The following HSPB8 variants were observed in gnomAD, a reference collection of about 807,000 sequenced individuals.
HSPB8 encodes the protein heat shock protein family B (small) member 8, also known as heat shock protein beta-8.
Under a neutral mutation model 16.5 loss-of-function variants are expected in HSPB8, and 9 were observed. The ratio of observed to expected loss-of-function variants is 0.55; its 90% CI spans 0.33 to 0.95. The LOEUF (loss-of-function observed/expected upper bound fraction) is 0.95, where lower values mean the gene tolerates loss of function less well. Among genes scored for constraint, HSPB8 ranks in the 40% least tolerant of loss-of-function variants. The pLI, the probability that HSPB8 is intolerant of heterozygous loss-of-function variation, is 0.03. For missense variants in HSPB8, 238 were observed against 251.2 expected (o/e 0.95, Z 0.35); for synonymous variants, 99 against 94.8 (o/e 1.04, Z -0.26).
At chr12:119,189,006 C>T (rs1365988802) in intron 2 of HSPB8, among the ~76,000 whole-genome samples, 2 of 152,202 alleles carry the variant, frequency 1.3e-5, no homozygotes, top group African/African-American at 2.4e-5. Context: ...CCCACATGTC[C>T]GTCCCTGGCC....
At chr12:119,181,099 T>C (rs770451181) in intron 1 of HSPB8, among the ~76,000 whole-genome samples, 11 of 152,196 alleles carry the variant, frequency 7.2e-5, no homozygotes, top group Non-Finnish European at 1.6e-4. Context: ...ATAAGGATTG[T>C]TGTTTTAAGT....
chr12:119,187,226 C>T, intron 2 of HSPB8, 138 bp downstream of exon 2: 1 of 720,384 alleles, frequency 1.4e-6, no homozygotes. Flanking sequence ...AACCCTCACA[C>T]CTAACGAGGA....
At position 119,179,686 on chromosome 12, in the gene HSPB8, C is replaced by A; in HGVS notation, c.367+7C>A. ...GGATACGTGGAGGTGTCTGGTAAGT[C>A]AGGGGCAGGAGGGAGAGAGAATGGG... On this transcript the variant is annotated splice_region_variant and intron_variant, in intron 1 of 2. Coordinates refer to ENST00000281938, the MANE Select transcript of HSPB8 (RefSeq NM_014365.3). 6.4e-7 allele frequency: 1 copy of A among 1,570,628 alleles called. No individual in the cohort carries two copies. The highest frequency in any genetic ancestry group is 1.2e-5 in the South Asian group (1 of 82,022).
intron 2 of HSPB8, among the ~76,000 whole-genome samples, chr12:119,192,050 TA>T (rs962006771): frequency 6.6e-6 from 1 of 151,936 alleles, no homozygotes; most frequent in Non-Finnish European, 1.5e-5. Flanking sequence ...ATTTCATGGT[TA>T]AAAAAAATAA....
chr12:119,192,748 A>C (rs1037841161), intron 2 of HSPB8, among the ~76,000 whole-genome samples: 3 of 152,188 alleles, frequency 2.0e-5, no homozygotes, highest in Non-Finnish European at 4.4e-5. Flanking sequence ...ACCTGAGACT[A>C]CATAATTGAT....
chr12:119,189,337 G>A (rs950519107), intron 2 of HSPB8, among the ~76,000 whole-genome samples: 11 of 150,148 alleles, frequency 7.3e-5, no homozygotes, highest in Non-Finnish European at 1.5e-4. Flanking sequence ...GTGTGTGTGT[G>A]TGTGTATTTC....
At chr12:119,180,535 G>A (rs984293504) in intron 1 of HSPB8, among the ~76,000 whole-genome samples, 6 of 152,112 alleles carry the variant, frequency 3.9e-5, no homozygotes, top group South Asian at 2.1e-4. Flanking sequence ...GGTGGGACTC[G>A]TTCACAGTCA....
intron 2 of HSPB8, among the ~76,000 whole-genome samples, chr12:119,193,181 A>G (rs1954723065): frequency 6.6e-6 from 1 of 152,212 alleles, no homozygotes; most frequent in African/African-American, 2.4e-5. Context: ...CAAGGTACCT[A>G]GTGCTTGCAT....
At chr12:119,183,077 G>C (rs1436690513) in intron 1 of HSPB8, 1 of 152,172 alleles carries the variant, frequency 6.6e-6, no homozygotes, top group Non-Finnish European at 1.5e-5. Flanking sequence ...GCTGTTACTA[G>C]GCATCTAGAA....
At chr12:119,188,267 G>A (rs543025458) in intron 2 of HSPB8, among the ~76,000 whole-genome samples, 14 of 128,546 alleles carry the variant, frequency 1.1e-4, no homozygotes, top group Admixed American at 1.1e-3. Context: ...TTTTTTTTGA[G>A]ATGGAGTCTC....
In HSPB8 at chr12:119,194,185, T is replaced by C. The variant is rs986700616; in HGVS notation, c.*327T>C. 2.5e-5 allele frequency: 9 copies of C among 366,320 alleles called. No homozygotes were observed. In the Admixed American group the frequency reaches 2.9e-4, roughly 12 times the overall value. The allele number at this position is 366,320 out of a possible 1,614,324, so 22.7% of individuals were successfully genotyped here. A position where few individuals can be genotyped will look rare whatever the true frequency, so the allele number is the denominator to read the frequency against. On this transcript the variant is annotated 3_prime_UTR_variant, in exon 3 of 3. Transcript: ENST00000281938. ...ATTTCACGTTGTATCTTACTTGCAGTGAATGCAAGGGTTACTTTTCTCTGG... is the reference window on the plus strand; with the variant it reads ...ATTTCACGTTGTATCTTACTTGCAGCGAATGCAAGGGTTACTTTTCTCTGG...
chr12:119,189,677 G>A (rs1954700213), intron 2 of HSPB8, among the ~76,000 whole-genome samples: 1 of 152,162 alleles, frequency 6.6e-6, no homozygotes, highest in Non-Finnish European at 1.5e-5. Flanking sequence ...GCGGAGCTCA[G>A]GCAGTAATGC....
At chr12:119,191,780 A>ATGTC (rs1302185214) in intron 2 of HSPB8, among the ~76,000 whole-genome samples, 1 of 152,066 alleles carries the variant, frequency 6.6e-6, no homozygotes, top group Non-Finnish European at 1.5e-5. Flanking sequence ...CTTCTTTCAA[A>ATGTC]TGTCTGGTGC....
At chr12:119,193,609 C>G in intron 2 of HSPB8, 90 bp from the exon 3 acceptor site, 5 of 1,414,042 alleles carry the variant, frequency 3.5e-6, no homozygotes, top group Non-Finnish European at 5.0e-6. Context: ...AGCCTAAGCT[C>G]TTATCAAAAA....
chr12:119,187,825 G>C (rs2136083966), intron 2 of HSPB8, among the ~76,000 whole-genome samples: 1 of 152,292 alleles, frequency 6.6e-6, no homozygotes, highest in East Asian at 1.9e-4. Context: ...CTTCCAGGCT[G>C]CTTGCTCAGC....
Position 119,179,462 on chromosome 12 carries a change from C to T in HSPB8, c.150C>T (p.Asp50=). ...ACGACTTGACAGCCTCTTGGCCCGA[C>T]TGGGCTCTGCCTCGTCTCTCCTCCG... ...FPDDLTASWP[D]WALPRLSSAW... Residue 50 remains aspartate, a synonymous_variant, in exon 1 of 3, where the codon GAC becomes GAT. Coordinates refer to ENST00000281938, the MANE Select transcript of HSPB8 (RefSeq NM_014365.3). The T allele has an allele frequency of 1.9e-6, 3 of 1,614,112 alleles. No homozygotes were observed. The highest frequency in any genetic ancestry group is 2.5e-6 in the Non-Finnish European group (3 of 1,180,022).
At chr12:119,191,799 G>A (rs1433849604) in intron 2 of HSPB8, among the ~76,000 whole-genome samples, 1 of 152,126 alleles carries the variant, frequency 6.6e-6, no homozygotes, top group South Asian at 2.1e-4. Flanking sequence ...GCTGGGGGAG[G>A]CAGGAGAGCA....
chr12:119,179,990 C>T (rs1347201910), intron 1 of HSPB8, among the ~76,000 whole-genome samples: 3 of 152,110 alleles, frequency 2.0e-5, no homozygotes, highest in Non-Finnish European at 4.4e-5. Context: ...ATAGGTTAAG[C>T]AGATATCAAA....
At chr12:119,182,826 A>G (rs1308255996) in intron 1 of HSPB8, 1 of 152,064 alleles carries the variant, frequency 6.6e-6, no homozygotes, top group Admixed American at 6.5e-5. Flanking sequence ...AGGTTTGTTA[A>G]CCCCATTATA....
Sources: gnomAD v4.1 joint callset for allele counts (sites outside exome capture counted in the v4.1 genomes callset) on GRCh38, gnomAD v4.1.1 for gene constraint, MANE v1.5 for transcripts, NCBI Gene and HGNC (gene_info 2026-07-23, HGNC 2026-07-21) for gene names.